Variants in SORL1 observed in about 807,000 individuals in gnomAD.
The protein encoded by SORL1 is sortilin-related receptor.
A neutral mutation model predicts 273.7 loss-of-function variants in SORL1; 127 were observed. That is an observed-to-expected ratio of 0.46 (90% CI 0.40 to 0.54). SORL1 has a LOEUF of 0.54. SORL1 is among the 20% of genes least tolerant of loss of function. SORL1 has a pLI of 0.00. For synonymous variants in SORL1, 1,031 were observed against 1,067.4 expected, an observed-to-expected ratio of 0.97 and a Z score of 0.66; for missense variants, 2,494 against 2,846.1, an observed-to-expected ratio of 0.88 and a Z score of 2.81.
chr11:121,467,030 C>CTTTTT (rs58596501), intron 1 of SORL1, among the ~76,000 whole-genome samples: 4 of 125,304 alleles, frequency 3.2e-5, no homozygotes, highest in African/African-American at 6.2e-5. Context: ...TTCTTTTTTT[C>CTTTTT]TTTTTTTTTT....
chr11:121,614,355 A>C (rs1048999603), intron 40 of SORL1: 1 of 153,678 alleles, frequency 6.5e-6, no homozygotes. Flanking sequence ...ACTTCACATA[A>C]AATTGTGAGA....
At chr11:121,549,383 T>G (rs1862475706) in intron 14 of SORL1, among the ~76,000 whole-genome samples, 1 of 151,572 alleles carries the variant, frequency 6.6e-6, no homozygotes, top group South Asian at 2.1e-4. Context: ...GCACCATACC[T>G]GGCTATTTTT....
intron 39 of SORL1, chr11:121,611,539 G>T (rs1863563968): frequency 6.3e-6 from 1 of 159,504 alleles, no homozygotes; most frequent in Admixed American, 6.3e-5. Flanking sequence ...CAACCTTCTT[G>T]TGGGAGAGTT....
chr11:121,605,710 T>A, intron 35 of SORL1, 139 bp downstream of exon 35: 1 of 683,390 alleles, frequency 1.5e-6, no homozygotes, highest in Admixed American at 2.6e-5. Context: ...AGCTTTATAG[T>A]CTTGCCAGAG....
At chr11:121,621,274 GC>G (rs771986888) in intron 44 of SORL1, 36 bp downstream of exon 44, 5 of 1,588,166 alleles carry the variant, frequency 3.1e-6, no homozygotes, top group Non-Finnish European at 4.3e-6. Context: ...TTCTCACACA[GC>G]CTGCCCTCAG....
At chr11:121,622,128 A>G in intron 44 of SORL1, 34 bp from the exon 45 acceptor site, 1 of 1,180,170 alleles carries the variant, frequency 8.5e-7, no homozygotes, top group Non-Finnish European at 1.3e-6. Context: ...ATGTATATCC[A>G]CTAACCGCAT....
chr11:121,478,270 C>T (rs1360114096), intron 3 of SORL1, 27 bp downstream of exon 3: 4 of 1,609,276 alleles, frequency 2.5e-6, no homozygotes, highest in African/African-American at 2.7e-5. Context: ...CCCTCCTGTC[C>T]CGACTTCATG....
rs777714753 is a variant in SORL1 at position 121,577,363 on chromosome 11, C to A, written c.3543C>A (p.Asn1181Lys). 1.2e-6 allele frequency: 2 copies of A among 1,613,168 alleles called. No homozygotes were observed. Among genetic ancestry groups the A allele is most frequent in the Non-Finnish European group, 1.7e-6 (2 of 1,179,498 alleles). Reference sequence around the variant, plus strand: ...CCTCCTGGGTATGTGACGGGGACAACGACTGCAGGGACTGGTCTGATGAAG... The same window carrying A: ...CCTCCTGGGTATGTGACGGGGACAAAGACTGCAGGGACTGGTCTGATGAAG... ...IRSSWVCDGD[N>K]DCRDWSDEAN... The change falls in exon 25 of 48, where the codon AAC (asparagine) becomes AAA (lysine). Residue 1181 changes from asparagine (N) to lysine (K), a missense_variant. By Grantham distance (94) the Asn-to-Lys change is moderately conservative (BLOSUM62 0). Coordinates refer to ENST00000260197, the MANE Select transcript of SORL1 (RefSeq NM_003105.6).
In SORL1 at chr11:121,452,483, T is replaced by G. The variant is rs1860816646; in HGVS notation, c.152T>G (p.Val51Gly). The change falls in exon 1 of 48, where the codon GTG (valine) becomes GGG (glycine). Residue 51 changes from valine to glycine, a missense_variant. By Grantham distance (109) the Val-to-Gly change is moderately radical. Transcript: ENST00000260197. The surrounding 1 kb of genome is among the most constrained non-coding windows in gnomAD (Gnocchi z 5.3). The part of the protein sequence containing the change: ...PLPQDRGFLV[V>G]QGDPRELRLW... ...CCCCAGGACCGGGGCTTCCTCGTGGTGCAGGGCGACCCGCGCGAGCTGCGG... is the reference window on the plus strand; with the variant it reads ...CCCCAGGACCGGGGCTTCCTCGTGGGGCAGGGCGACCCGCGCGAGCTGCGG... The G allele has an allele frequency of 6.7e-7, 1 of 1,496,476 alleles. No individual in the cohort carries two copies. The highest frequency in any genetic ancestry group is 1.5e-5 in the African/African-American group (1 of 68,660). 92.7% of individuals were successfully genotyped at this position (1,496,476 alleles called of 1,614,324 possible).
chr11:121,606,835 C>A lies in SORL1; in HGVS notation c.4949-10C>A. ...GATGGGTTTTAACCTTGAGTTGACT[C>A]TTTTTCTAGTGCCAGATGCCCCTCG... On this transcript the variant is annotated splice_polypyrimidine_tract_variant and intron_variant, in intron 35 of 47. Transcript: ENST00000260197. 6.3e-7 allele frequency: 1 copy of A among 1,585,698 alleles called. No individual in the cohort carries two copies. Among genetic ancestry groups the A allele is most frequent in the South Asian group, 1.1e-5 (1 of 90,676 alleles).
At chr11:121,616,377 C>A (rs1200397870) in intron 41 of SORL1, among the ~76,000 whole-genome samples, 4 of 152,170 alleles carry the variant, frequency 2.6e-5, no homozygotes. Context: ...CATTGAGGAC[C>A]CTGGCAGCTC....
chr11:121,596,195 A>G lies in SORL1; in HGVS notation c.4519+423A>G, dbSNP rs1242185201. 6.6e-6 allele frequency among the ~76,000 whole-genome samples: 1 copy of G among 152,204 alleles called. No homozygotes were observed. The highest frequency in any genetic ancestry group is 2.4e-5 in the African/African-American group (1 of 41,444). On this transcript the variant is annotated intron_variant, in intron 32 of 47. Coordinates refer to ENST00000260197, the MANE Select transcript of SORL1 (RefSeq NM_003105.6). This position sits in a 1 kb window ranked among gnomAD's most constrained non-coding sequence, Gnocchi z 4.3. Reference sequence around the variant, plus strand: ...TTAGAGGGTTTGCCTCTAGCACCCCATTAAGAAAATTCATTCTCAGTCCTT... The same window carrying G: ...TTAGAGGGTTTGCCTCTAGCACCCCGTTAAGAAAATTCATTCTCAGTCCTT...
chr11:121,478,979 C>T (rs1861327632), intron 3 of SORL1, among the ~76,000 whole-genome samples: 1 of 126,112 alleles, frequency 7.9e-6, no homozygotes, highest in African/African-American at 3.0e-5. Context: ...CTTGTGTGCA[C>T]GTGGGTACCC....
At chr11:121,532,589 T>G (rs1320784376) in intron 12 of SORL1, 37 bp downstream of exon 12, 16 of 1,544,702 alleles carry the variant, frequency 1.0e-5, no homozygotes, top group South Asian at 1.1e-5. Context: ...ACATCAAACT[T>G]TCTCCCAGAA....
chr11:121,588,033 G>C lies in SORL1; in HGVS notation c.3828G>C (p.Thr1276=). The part of the protein sequence containing the change: ...SDEQHCEPLC[T]HFMDFVCKNR... Reference sequence around the variant, plus strand: ...GATCCCTTACAGAGCCCCTCTGTACGCACTTCATGGACTTTGTGTGTAAGA... The same window carrying C: ...GATCCCTTACAGAGCCCCTCTGTACCCACTTCATGGACTTTGTGTGTAAGA... The change falls in exon 28 of 48, where the codon ACG becomes ACC. Residue 1276 remains threonine, a synonymous_variant. Coordinates refer to ENST00000260197, the MANE Select transcript of SORL1 (RefSeq NM_003105.6). 1.2e-6 allele frequency: 2 copies of C among 1,613,142 alleles called. No homozygotes were observed. The highest frequency in any genetic ancestry group is 1.7e-6 in the Non-Finnish European group (2 of 1,179,412).
At position 121,631,590 on chromosome 11, in the gene SORL1, A is replaced by G. The variant is rs1212098889; in HGVS notation, c.*2027A>G. 1 of 152,180 alleles carries G rather than the reference A, an allele frequency of 6.6e-6. No homozygotes were observed. Among genetic ancestry groups the G allele is most frequent in the African/African-American group, 2.4e-5 (1 of 41,424 alleles). 9.4% of individuals were successfully genotyped at this position (152,180 alleles called of 1,614,324 possible). On this transcript the variant is annotated 3_prime_UTR_variant, in exon 48 of 48. Coordinates refer to ENST00000260197, the MANE Select transcript of SORL1 (RefSeq NM_003105.6). ...TGGTGGCATTTGTAAAAGCTGATATAAAAGGCTCTGAGATGTTATTTTCAG... is the reference window on the plus strand; with the variant it reads ...TGGTGGCATTTGTAAAAGCTGATATGAAAGGCTCTGAGATGTTATTTTCAG...
At chr11:121,522,429 G>C (rs547589848) in intron 9 of SORL1, among the ~76,000 whole-genome samples, 157 bp from the exon 10 acceptor site, 1 of 152,260 alleles carries the variant, frequency 6.6e-6, no homozygotes, top group Admixed American at 6.5e-5. Context: ...CTCTGTCTGG[G>C]GGGTGTGGGG....
At chr11:121,561,279 C>T (rs981156644) in intron 21 of SORL1, among the ~76,000 whole-genome samples, 2 of 152,202 alleles carry the variant, frequency 1.3e-5, no homozygotes, top group East Asian at 1.9e-4. Context: ...TGACTGTCCA[C>T]TTCATCCCAA....
chr11:121,487,985 C>A, intron 3 of SORL1, 47 bp from the exon 4 acceptor site: 3 of 1,600,472 alleles, frequency 1.9e-6, no homozygotes, highest in Non-Finnish European at 2.6e-6. Context: ...GAGTGTTGGG[C>A]AGCTCTGGAC....
Sources: allele counts gnomAD v4.1 joint callset (sites outside exome capture counted in the v4.1 genomes callset), GRCh38; gene constraint gnomAD v4.1.1; non-coding constraint Gnocchi (gnomAD v3.1); transcripts MANE v1.5; gene names NCBI Gene and HGNC (gene_info 2026-07-23, HGNC 2026-07-21).